PTPRD: variants seen among roughly 807,000 people sequenced by gnomAD.
PTPRD encodes protein tyrosine phosphatase receptor type D.
PTPRD carries 34 observed loss-of-function variants against 214.5 expected under a neutral mutation model. The observed-to-expected ratio is 0.16, with a 90% CI of 0.12 to 0.21. The LOEUF (loss-of-function observed/expected upper bound fraction) is 0.21, where lower values mean the gene tolerates loss of function less well. Ranked by LOEUF, PTPRD falls within the 10% of genes least tolerant of loss-of-function variation. The pLI, the probability that PTPRD is intolerant of heterozygous loss-of-function variation, is 1.00. For synonymous variants in PTPRD, 1,128 were observed against 845.7 expected, an observed-to-expected ratio of 1.33 and a Z score of -5.79; for missense variants, 2,545 against 2,398.7, an observed-to-expected ratio of 1.06 and a Z score of -1.27.
Position 9,544,563 on chromosome 9 carries a change from G to C in PTPRD, c.-237+30169C>G, listed in dbSNP as rs1427244957. 2.6e-5 allele frequency among the ~76,000 whole-genome samples: 4 copies of C among 151,580 alleles called. No individual in the cohort carries two copies. The Admixed American group carries it at 2.6e-4, about 10-fold the overall frequency. On this transcript the variant is annotated intron_variant, in intron 8 of 45. Coordinates refer to ENST00000381196, the MANE Select transcript of PTPRD (RefSeq NM_002839.4). ...ACATCTCTCGACTGTGTCTTCAAATGTATTCTGAACCACAAAGAACATCAG... is the reference window on the plus strand; with the variant it reads ...ACATCTCTCGACTGTGTCTTCAAATCTATTCTGAACCACAAAGAACATCAG...
chr9:8,892,533 A>ATATATATGTGTGTATATATGTGTG (rs1324889722), intron 11 of PTPRD, among the ~76,000 whole-genome samples: 1 of 150,684 alleles, frequency 6.6e-6, no homozygotes, highest in East Asian at 2.0e-4. Flanking sequence ...ATGTGTGTGT[A>ATATATATGTGTGTATATATGTGTG]TATATATGTG....
chr9:9,084,784 G>C lies in PTPRD; in HGVS notation c.-142-66049C>G, dbSNP rs564016504. 7.2e-5 allele frequency among the ~76,000 whole-genome samples: 11 copies of C among 152,242 alleles called. No individual in the cohort carries two copies. The South Asian group carries it at 2.3e-3, about 32-fold the overall frequency. On this transcript the variant is annotated intron_variant, in intron 10 of 45. Transcript: ENST00000381196. ...AAGAGGAAGAGTAGATTGCTTCATA[G>C]TTCACGGACTGTTGTTTTGATCTCT...
chr9:8,593,149 G>T (rs1411440342), intron 14 of PTPRD, among the ~76,000 whole-genome samples: 1 of 152,148 alleles, frequency 6.6e-6, no homozygotes. Context: ...GAAGTGTTAG[G>T]AAATCATAAA....
chr9:10,577,140 G>A (rs1263279167), intron 2 of PTPRD, among the ~76,000 whole-genome samples: 1 of 151,886 alleles, frequency 6.6e-6, no homozygotes, highest in Non-Finnish European at 1.5e-5. Context: ...TACTTTTATG[G>A]AAAGAAATAA....
chr9:10,261,177 G>T (rs1450832358), intron 3 of PTPRD, among the ~76,000 whole-genome samples: 1 of 150,682 alleles, frequency 6.6e-6, no homozygotes, highest in Non-Finnish European at 1.5e-5. Context: ...GGATCCAAAA[G>T]ATCAAAACAA....
chr9:9,799,225 T>C (rs986266232), intron 5 of PTPRD, among the ~76,000 whole-genome samples: 51 of 152,208 alleles, frequency 3.4e-4, no homozygotes, highest in African/African-American at 1.2e-3. Context: ...TGCTAATAGA[T>C]TAGGTTGAGA....
rs1023292482 is a variant in PTPRD at position 8,314,616 on chromosome 9, C to G, written c.*3258G>C. On this transcript the variant is annotated 3_prime_UTR_variant, in exon 46 of 46. Coordinates refer to ENST00000381196, the MANE Select transcript of PTPRD (RefSeq NM_002839.4). Reference sequence around the variant, plus strand: ...TGGAGTATCAGGGCACCCATAAACCCAAAAGGAACCAAAACCCAAAAAGAA... The same window carrying G: ...TGGAGTATCAGGGCACCCATAAACCGAAAAGGAACCAAAACCCAAAAAGAA... 3.0e-5 allele frequency: 7 copies of G among 230,964 alleles called. No individual in the cohort carries two copies. The highest frequency in any genetic ancestry group is 1.6e-4 in the African/African-American group (7 of 44,894). 14.3% of individuals were successfully genotyped at this position (230,964 alleles called of 1,614,324 possible).
chr9:9,992,522 T>A (rs2095976962), intron 4 of PTPRD, among the ~76,000 whole-genome samples: 1 of 152,150 alleles, frequency 6.6e-6, no homozygotes, highest in African/African-American at 2.4e-5. Flanking sequence ...GCAGCACTAT[T>A]CACAATAGCA....
At chr9:8,511,263 G>T (rs1265849583) in intron 21 of PTPRD, among the ~76,000 whole-genome samples, 1 of 151,906 alleles carries the variant, frequency 6.6e-6, no homozygotes, top group African/African-American at 2.4e-5. Context: ...TACAGACAGG[G>T]TCTCAATATG....
chr9:9,995,371 A>G (rs1359612520), intron 4 of PTPRD, among the ~76,000 whole-genome samples: 1 of 152,224 alleles, frequency 6.6e-6, no homozygotes, highest in African/African-American at 2.4e-5. Context: ...GTAAGCTATA[A>G]ATTACAAAGT....
chr9:8,480,052 G>C (rs1442265081), intron 30 of PTPRD, among the ~76,000 whole-genome samples: 28 of 152,066 alleles, frequency 1.8e-4, no homozygotes, highest in Admixed American at 1.8e-3. Flanking sequence ...TCTATTTTCT[G>C]AATCTATTCT....
At chr9:9,928,452 T>A (rs868197930) in intron 5 of PTPRD, among the ~76,000 whole-genome samples, 2 of 152,134 alleles carry the variant, frequency 1.3e-5, no homozygotes, top group African/African-American at 4.8e-5. Context: ...GCTGATTTGA[T>A]GGGCAGGCAA....
chr9:8,497,567 C>T (rs1000312261), intron 25 of PTPRD, among the ~76,000 whole-genome samples: 1 of 152,162 alleles, frequency 6.6e-6, no homozygotes, highest in African/African-American at 2.4e-5. Flanking sequence ...ATATCCTACT[C>T]GTATTTATTT....
At chr9:9,610,896 A>T (rs1401814060) in intron 7 of PTPRD, among the ~76,000 whole-genome samples, 7 of 152,190 alleles carry the variant, frequency 4.6e-5, no homozygotes, top group Non-Finnish European at 8.8e-5. Context: ...AACAACCCAC[A>T]TGAAGACCAG....
chr9:8,894,826 A>G (rs1429419061), intron 11 of PTPRD, among the ~76,000 whole-genome samples: 1 of 152,140 alleles, frequency 6.6e-6, no homozygotes, highest in Non-Finnish European at 1.5e-5. Flanking sequence ...AGAATATTTC[A>G]TCACAAAAAA....
At chr9:8,587,694 A>G (rs1240309913) in intron 14 of PTPRD, among the ~76,000 whole-genome samples, 2 of 152,228 alleles carry the variant, frequency 1.3e-5, no homozygotes, top group East Asian at 3.8e-4. Flanking sequence ...ATCTGACCTC[A>G]ACGGCCTTGG....
intron 8 of PTPRD, among the ~76,000 whole-genome samples, chr9:9,529,984 AGAC>A (rs1569569032): frequency 6.6e-6 from 1 of 152,118 alleles, no homozygotes; most frequent in African/African-American, 2.4e-5. Context: ...CAACATACCA[AGAC>A]CTATGGGAAA....
At chr9:9,817,123 C>T (rs116610182) in intron 5 of PTPRD, among the ~76,000 whole-genome samples, 1,599 of 152,136 alleles carry the variant, frequency 0.011, 29 homozygotes, top group African/African-American at 0.034. Flanking sequence ...TGAAGGCTGG[C>T]TCAAAAATGA....
At chr9:8,422,304 T>C (rs2094423213) in intron 35 of PTPRD, among the ~76,000 whole-genome samples, 1 of 152,144 alleles carries the variant, frequency 6.6e-6, no homozygotes, top group Non-Finnish European at 1.5e-5. Context: ...TCCTACTTTA[T>C]CACAATCCTT....
Sources: gnomAD v4.1 joint callset for allele counts (sites outside exome capture counted in the v4.1 genomes callset) on GRCh38, gnomAD v4.1.1 for gene constraint, MANE v1.5 for transcripts, NCBI Gene and HGNC (gene_info 2026-07-23, HGNC 2026-07-21) for gene names.